Variants in XPO5 observed in about 807,000 individuals in gnomAD.
XPO5 encodes exportin 5, also known as exportin-5.
In XPO5, 46 loss-of-function variants were observed where a neutral mutation model predicts 160.6. That is an observed-to-expected ratio of 0.29 (90% CI 0.23 to 0.37). The LOEUF is 0.37. XPO5 is among the 10% of genes least tolerant of loss of function. The pLI is 1.00. For synonymous variants in XPO5, 537 were observed against 519.3 expected, an observed-to-expected ratio of 1.03 and a Z score of -0.46; for missense variants, 1,090 against 1,463.9, an observed-to-expected ratio of 0.74 and a Z score of 4.17.
intron 26 of XPO5, chr6:43,526,970 G>T (rs1793636807): frequency 1.9e-6 from 1 of 539,972 alleles, no homozygotes; most frequent in African/African-American, 1.9e-5. Context: ...GAAAATTACA[G>T]AATTCTCTGA....
In XPO5 at chr6:43,546,763, A is replaced by G. The variant is rs1403217494; in HGVS notation, c.2161-11T>C. On this transcript the variant is annotated splice_polypyrimidine_tract_variant and intron_variant, in intron 19 of 31. Coordinates refer to ENST00000265351, the MANE Select transcript of XPO5 (RefSeq NM_020750.3). The stretch of plus-strand genomic sequence containing the variant: ...TACACAAAAGCTCATCTATAGAAAA[A>G]TAAGAATGACAGATAAATATTAAAA... 3.2e-6 allele frequency: 5 copies of G among 1,555,878 alleles called. No homozygotes were observed. The highest frequency in any genetic ancestry group is 2.2e-5 in the Admixed American group (1 of 45,468).
intron 8 of XPO5, among the ~76,000 whole-genome samples, chr6:43,563,711 A>C (rs2127747971): frequency 6.6e-6 from 1 of 152,328 alleles, no homozygotes; most frequent in East Asian, 1.9e-4. Context: ...AATGGTAAGT[A>C]TTTGTGTATC....
intron 8 of XPO5, among the ~76,000 whole-genome samples, chr6:43,565,239 T>C (rs1762638046): frequency 6.6e-6 from 1 of 151,978 alleles, no homozygotes; most frequent in Non-Finnish European, 1.5e-5. Flanking sequence ...CATTTTCTTA[T>C]CCAAAAACAC....
chr6:43,529,626 A>G (rs577339860), intron 23 of XPO5: 3 of 167,894 alleles, frequency 1.8e-5, no homozygotes, highest in Non-Finnish European at 3.9e-5. Flanking sequence ...TGAAGTGTTA[A>G]AACTGCTGCT....
intron 12 of XPO5, among the ~76,000 whole-genome samples, chr6:43,557,423 C>T (rs1290903584): frequency 6.6e-6 from 1 of 150,858 alleles, no homozygotes; most frequent in Non-Finnish European, 1.5e-5. Flanking sequence ...GAGACTCCAT[C>T]TCAAAAAAAA....
At chr6:43,571,512 TAA>T (rs1487880213) in intron 3 of XPO5, among the ~76,000 whole-genome samples, 1 of 152,244 alleles carries the variant, frequency 6.6e-6, no homozygotes, top group Admixed American at 6.5e-5. Context: ...GTTTTGTGTT[TAA>T]AGAGACAGTC....
chr6:43,573,250 T>C (rs1352386820), intron 2 of XPO5: 3 of 449,752 alleles, frequency 6.7e-6, no homozygotes, highest in Non-Finnish European at 1.1e-5. Flanking sequence ...GTAATATTTG[T>C]TGAATGGGTA....
chr6:43,527,905 TC>T (rs1347525823), intron 25 of XPO5, among the ~76,000 whole-genome samples, 174 bp from the exon 26 acceptor site: 7 of 152,210 alleles, frequency 4.6e-5, no homozygotes, highest in African/African-American at 1.7e-4. Context: ...TACTAGTGAC[TC>T]TGTCCAGTTG....
chr6:43,538,486 AACCT>A (rs944343550), intron 20 of XPO5, among the ~76,000 whole-genome samples: 1 of 152,120 alleles, frequency 6.6e-6, no homozygotes, highest in African/African-American at 2.4e-5. Context: ...AATATATATA[AACCT>A]TGTGTGGATA....
rs2127752010 is a variant in XPO5 at position 43,567,192 on chromosome 6, G to C, written c.811C>G (p.Leu271Val). Reference protein sequence around the residue: ...QELQLGAAECLLIAVSRKGKL... With the variant: ...QELQLGAAECVLIAVSRKGKL... Reference sequence around the variant, plus strand: ...ACTTTTCTGCTGACTGCAATGAGAAGACACTCAGCGGCTCCCAACTGAAGT... The same window carrying C: ...ACTTTTCTGCTGACTGCAATGAGAACACACTCAGCGGCTCCCAACTGAAGT... The change falls in exon 7 of 32, where the codon CTT (leucine) becomes GTT (valine). Residue 271 changes from leucine to valine, a missense_variant. Around this residue, in one of 3 missense-constraint regions of XPO5, gnomAD observed 110 missense variants for 97.9 expected, o/e 1.12. Transcript: ENST00000265351. The C allele has an allele frequency of 1.5e-5, 24 of 1,613,240 alleles. No individual in the cohort carries two copies. Among genetic ancestry groups the C allele is most frequent in the Non-Finnish European group, 1.9e-5 (23 of 1,179,600 alleles).
chr6:43,526,514 C>T (rs551877629), intron 27 of XPO5, 171 bp downstream of exon 27: 3 of 682,560 alleles, frequency 4.4e-6, no homozygotes, highest in East Asian at 5.5e-5. Context: ...AGTGCAAAGG[C>T]TTGGAGGTGG....
At chr6:43,553,548 C>A (rs762754376) in intron 13 of XPO5, 45 bp from the exon 14 acceptor site, 15 of 1,512,078 alleles carry the variant, frequency 9.9e-6, no homozygotes, top group African/African-American at 7.0e-5. Context: ...CACACACACA[C>A]AATTATCAGC....
At position 43,523,938 on chromosome 6, in the gene XPO5, G is replaced by GT. The variant is rs1300130627; in HGVS notation, c.3544dup (p.Thr1182AsnfsTer13). 3 of 1,613,882 alleles carry GT rather than the reference G, an allele frequency of 1.9e-6. No homozygotes were observed. The highest frequency in any genetic ancestry group is 1.6e-4 in the Middle Eastern group (1 of 6,084). Reference sequence around the variant, plus strand: ...CACCTCCGTCTCCAGCATTGGCTTTGTTTTTTTGAAAAGTGAGGGAAGATT... The same window carrying GT: ...CACCTCCGTCTCCAGCATTGGCTTTGTTTTTTTTGAAAAGTGAGGGAAGATT... On this transcript the variant is annotated frameshift_variant, in exon 32 of 32. Coordinates refer to ENST00000265351, the MANE Select transcript of XPO5 (RefSeq NM_020750.3). LOFTEE classifies it high-confidence loss of function.
At chr6:43,527,512 T>C (rs1561863756) in intron 26 of XPO5, 122 bp downstream of exon 26, 5 of 934,456 alleles carry the variant, frequency 5.4e-6, no homozygotes, top group Non-Finnish European at 8.2e-6. Flanking sequence ...GACCTCGCAA[T>C]CCACCATGCC....
chr6:43,555,511 C>T (rs1047557988), intron 13 of XPO5: 1 of 193,366 alleles, frequency 5.2e-6, no homozygotes, highest in East Asian at 1.2e-4. Flanking sequence ...AAAGTTAGGT[C>T]TACGCATGAA....
chr6:43,548,149 ATAATGC>A (rs1197406183), intron 18 of XPO5, 106 bp downstream of exon 18: 1 of 1,065,046 alleles, frequency 9.4e-7, no homozygotes, highest in African/African-American at 1.6e-5. Flanking sequence ...GATATCATGG[ATAATGC>A]CATCACACTT....
In XPO5 at chr6:43,538,965, T is replaced by C. The variant is rs541488697; in HGVS notation, c.2343-4958A>G. On this transcript the variant is annotated intron_variant, in intron 20 of 31. Transcript: ENST00000265351. ...AGGTCGGGGGTCAGGTAGCTGTAGG[T>C]CTTAGAAATGGCATCAAAGGTGGCC... 48 of 1,388,666 alleles carry C rather than the reference T, an allele frequency of 3.5e-5. No homozygotes were observed. In the Admixed American group the frequency reaches 5.5e-4, roughly 16 times the overall value. The allele number at this position is 1,388,666 out of a possible 1,614,324, so 86.0% of individuals were successfully genotyped here. A position where few individuals can be genotyped will look rare whatever the true frequency, so the allele number is the denominator to read the frequency against.
At chr6:43,534,197 A>G (rs952463693) in intron 20 of XPO5, among the ~76,000 whole-genome samples, 190 bp from the exon 21 acceptor site, 1 of 152,222 alleles carries the variant, frequency 6.6e-6, no homozygotes, top group African/African-American at 2.4e-5. Flanking sequence ...AGATATAATT[A>G]TCTTAGTATA....
Position 43,546,661 on chromosome 6 carries a change from A to G in XPO5, c.2252T>C (p.Val751Ala). The change falls in exon 20 of 32, where the codon GTG becomes GCG. Residue 751 changes from valine to alanine, a missense_variant. Physicochemically the swap from Val to Ala is moderately conservative, Grantham distance 64. Around this residue, in one of 3 missense-constraint regions of XPO5, gnomAD observed 810 missense variants for 1,139.0 expected, o/e 0.71. Coordinates refer to ENST00000265351, the MANE Select transcript of XPO5 (RefSeq NM_020750.3). ...LEEAKAGGFV[V>A]GYTSSGNPIF... ...TGGATTTCCACTGGATGTATAACCCACCACAAATCCCCCAGCTTTGGCCTC... is the reference window on the plus strand; with the variant it reads ...TGGATTTCCACTGGATGTATAACCCGCCACAAATCCCCCAGCTTTGGCCTC... 6.2e-7 allele frequency: 1 copy of G among 1,613,880 alleles called. No individual in the cohort carries two copies. Among genetic ancestry groups the G allele is most frequent in the Non-Finnish European group, 8.5e-7 (1 of 1,179,844 alleles).
Sources: allele counts gnomAD v4.1 joint callset (sites outside exome capture counted in the v4.1 genomes callset), GRCh38; gene constraint gnomAD v4.1.1; regional missense constraint gnomAD v4.1.1; transcripts MANE v1.5; gene names NCBI Gene and HGNC (gene_info 2026-07-23, HGNC 2026-07-21).